The following NSUN3 variants were observed in gnomAD, a reference collection of about 807,000 sequenced individuals.
The protein encoded by NSUN3 is tRNA (cytosine(34)-C(5))-methyltransferase, mitochondrial.
A neutral mutation model predicts 36.8 loss-of-function variants in NSUN3; 24 were observed. The observed-to-expected ratio is 0.65, with a 90% confidence interval of 0.47 to 0.92. The LOEUF is 0.92. Ranked by LOEUF, NSUN3 falls within the 40% of genes least tolerant of loss-of-function variation. The probability of loss-of-function intolerance (pLI) is 0.00; values close to 1 mark genes in which losing one functional copy is unlikely to be tolerated. For missense variants in NSUN3, 381 were observed against 392.8 expected (o/e 0.97, Z 0.25); for synonymous variants, 146 against 145.2 (o/e 1.01, Z -0.04).
chr3:94,085,098 G>A (rs1431954634), intron 3 of NSUN3: 1 of 152,112 alleles, frequency 6.6e-6, no homozygotes, highest in Admixed American at 6.6e-5. Context: ...GTTGAGACTA[G>A]CCACATTTCA....
intron 3 of NSUN3, among the ~76,000 whole-genome samples, chr3:94,092,178 G>C (rs1302728207): frequency 6.6e-6 from 1 of 152,140 alleles, no homozygotes. Context: ...TAACCAATGA[G>C]AGAAAGAGAC....
Position 94,119,527 on chromosome 3 carries a change from C to G in NSUN3, c.744-6684C>G, listed in dbSNP as rs2077453198. ...AGATTCCGGAGCTCAGGTGGTAATG[C>G]CTGCTCACCCACCACTCAACTCCTG... On this transcript the variant is annotated intron_variant, in intron 5 of 5. Transcript: ENST00000314622. Among the ~76,000 whole-genome samples the G allele has an allele frequency of 2.6e-5, 4 of 152,108 alleles. No individual in the cohort carries two copies. In the South Asian group the frequency reaches 8.3e-4, roughly 32 times the overall value.
intron 5 of NSUN3, among the ~76,000 whole-genome samples, chr3:94,101,673 C>G (rs1486487922): frequency 6.6e-6 from 1 of 152,100 alleles, no homozygotes; most frequent in Non-Finnish European, 1.5e-5. Flanking sequence ...TAAAGCAGTT[C>G]TATGAATGGA....
intron 2 of NSUN3, among the ~76,000 whole-genome samples, chr3:94,079,062 G>T (rs2077258187): frequency 6.6e-6 from 1 of 152,186 alleles, no homozygotes; most frequent in Admixed American, 6.5e-5. Flanking sequence ...GCAGTGGCTG[G>T]TACTGGTTGT....
At chr3:94,115,611 G>A (rs2077436851) in intron 5 of NSUN3, among the ~76,000 whole-genome samples, 1 of 152,126 alleles carries the variant, frequency 6.6e-6, no homozygotes, top group Admixed American at 6.6e-5. Flanking sequence ...TTATCTTCTG[G>A]TGATAAGTCA....
rs751469881 is a variant in NSUN3 at position 94,126,355 on chromosome 3, G to T, written c.888G>T (p.Arg296Ser). Residue 296 changes from arginine to serine, a missense_variant, in exon 6 of 6, where the codon AGG becomes AGT. Arg to Ser is a moderately radical substitution (Grantham distance 110). Transcript: ENST00000314622. ...IMPMDIKGIA[R>S]TCSHDFTFAP... Reference sequence around the variant, plus strand: ...CTATGGACATTAAAGGAATAGCAAGGACTTGCTCCCACGACTTCACATTTG... The same window carrying T: ...CTATGGACATTAAAGGAATAGCAAGTACTTGCTCCCACGACTTCACATTTG... 6.2e-7 allele frequency: 1 copy of T among 1,614,082 alleles called. No homozygotes were observed. Among genetic ancestry groups the T allele is most frequent in the African/African-American group, 1.3e-5 (1 of 75,032 alleles).
intron 1 of NSUN3, chr3:94,064,198 C>G (rs2107231294): frequency 2.0e-6 from 1 of 493,442 alleles, no homozygotes; most frequent in African/African-American, 2.0e-5. Context: ...TTTCTTCAGC[C>G]CCAGTAGATT....
At chr3:94,093,701 C>G (rs1012280315) in intron 3 of NSUN3, among the ~76,000 whole-genome samples, 2 of 152,182 alleles carry the variant, frequency 1.3e-5, no homozygotes, top group African/African-American at 4.8e-5. Context: ...CAGGACAGTT[C>G]CTGCGTCTGC....
chr3:94,063,224 G>A, intron 1 of NSUN3, 86 bp downstream of exon 1: 1 of 1,317,272 alleles, frequency 7.6e-7, no homozygotes, highest in Non-Finnish European at 1.1e-6. Flanking sequence ...GTGCTGGGAT[G>A]GGGGAACATC....
rs980357986 is a variant in NSUN3, at chr3:94,129,015, G to T, written c.*2525G>T. ...ATAAAAAATAACAGACGCTGATGAGGCTGTGGAGAAAAGGAACTGCTTATG... is the reference window on the plus strand; with the variant it reads ...ATAAAAAATAACAGACGCTGATGAGTCTGTGGAGAAAAGGAACTGCTTATG... On this transcript the variant is annotated 3_prime_UTR_variant, in exon 6 of 6. Coordinates refer to ENST00000314622, the MANE Select transcript of NSUN3 (RefSeq NM_022072.5). Among the ~76,000 whole-genome samples the T allele has an allele frequency of 3.3e-5, 5 of 152,206 alleles. No homozygotes were observed. The highest frequency in any genetic ancestry group is 6.5e-5 in the Admixed American group (1 of 15,274).
intron 2 of NSUN3, among the ~76,000 whole-genome samples, chr3:94,068,505 G>A (rs2077213694): frequency 6.6e-6 from 1 of 152,128 alleles, no homozygotes; most frequent in African/African-American, 2.4e-5. Context: ...CAGTGTTTGT[G>A]TACTAGGCAT....
chr3:94,108,239 T>C (rs1225419614), intron 5 of NSUN3, among the ~76,000 whole-genome samples: 2 of 152,220 alleles, frequency 1.3e-5, no homozygotes, highest in Admixed American at 1.3e-4. Flanking sequence ...CTGTGATACA[T>C]GTGCAGAACT....
intron 5 of NSUN3, among the ~76,000 whole-genome samples, chr3:94,122,513 C>T (rs1189135012): frequency 1.3e-5 from 2 of 152,208 alleles, no homozygotes; most frequent in African/African-American, 4.8e-5. Flanking sequence ...TCCCTCATCA[C>T]ACTACCCTGC....
In NSUN3 at chr3:94,064,436, G is replaced by T. The variant is rs779000133; in HGVS notation, c.13-1G>T. 4 of 1,607,474 alleles carry T rather than the reference G, an allele frequency of 2.5e-6. No individual in the cohort carries two copies. Among genetic ancestry groups the T allele is most frequent in the African/African-American group, 1.3e-5 (1 of 74,914 alleles). On this transcript the variant is annotated splice_acceptor_variant, in intron 1 of 5. Transcript: ENST00000314622. LOFTEE classifies it high-confidence loss of function. ...TCAGCAACTTTTTCTTATCGTCATA[G>T]CTGAAAGCAAAATCAGAGGGGAAGC...
At chr3:94,073,649 T>G (rs1560029686) in intron 2 of NSUN3, among the ~76,000 whole-genome samples, 1 of 152,236 alleles carries the variant, frequency 6.6e-6, no homozygotes, top group Non-Finnish European at 1.5e-5. Context: ...TTGATGAGGT[T>G]GTTTTTTTCT....
rs1282222879 is a variant in NSUN3 at position 94,130,543 on chromosome 3, G to T, written c.*4053G>T. On this transcript the variant is annotated 3_prime_UTR_variant, in exon 6 of 6. Coordinates refer to ENST00000314622, the MANE Select transcript of NSUN3 (RefSeq NM_022072.5). ...CAAACACTTATGAGTTATATAAAATGTTCTAAAACTAGAAAAAACATGGTC... is the reference window on the plus strand; with the variant it reads ...CAAACACTTATGAGTTATATAAAATTTTCTAAAACTAGAAAAAACATGGTC... 6.6e-6 allele frequency among the ~76,000 whole-genome samples: 1 copy of T among 152,140 alleles called. No homozygotes were observed. The highest frequency in any genetic ancestry group is 2.4e-5 in the African/African-American group (1 of 41,420).
intron 2 of NSUN3, among the ~76,000 whole-genome samples, chr3:94,073,046 A>G (rs2077232290): frequency 6.6e-6 from 1 of 152,170 alleles, no homozygotes; most frequent in African/African-American, 2.4e-5. Context: ...GAGTGAGAAC[A>G]TGCAGTGTTT....
At chr3:94,081,653 A>T (rs2077269642) in intron 2 of NSUN3, 2 of 152,210 alleles carry the variant, frequency 1.3e-5, no homozygotes, top group Admixed American at 1.3e-4. Context: ...TGGATAATAT[A>T]CAAAAGCTAA....
intron 5 of NSUN3, among the ~76,000 whole-genome samples, chr3:94,119,620 C>T (rs2077453564): frequency 6.6e-6 from 1 of 152,198 alleles, no homozygotes; most frequent in African/African-American, 2.4e-5. Context: ...TTGGGGTCCT[C>T]TGATCTATAG....
Sources: allele counts gnomAD v4.1 joint callset (sites outside exome capture counted in the v4.1 genomes callset), GRCh38; gene constraint gnomAD v4.1.1; transcripts MANE v1.5; gene names NCBI Gene and HGNC (gene_info 2026-07-23, HGNC 2026-07-21).